TMEM132D: variants seen among roughly 807,000 people sequenced by gnomAD.
TMEM132D encodes the protein mature OL transmembrane protein.
In TMEM132D, 21 loss-of-function variants were observed where a neutral mutation model predicts 62.3. The ratio of observed to expected loss-of-function variants is 0.34; its 90% CI spans 0.24 to 0.49. The LOEUF is 0.49. TMEM132D is among the 20% of genes least tolerant of loss of function. TMEM132D has a pLI of 0.99. For synonymous variants in TMEM132D, 621 were observed against 575.6 expected (o/e 1.08, Z -1.13); for missense variants, 1,346 against 1,402.8 (o/e 0.96, Z 0.65).
intron 2 of TMEM132D, among the ~76,000 whole-genome samples, chr12:129,694,515 G>C (rs1053692282): frequency 3.3e-5 from 5 of 152,226 alleles, no homozygotes; most frequent in Admixed American, 3.3e-4. Flanking sequence ...AGGCAGACAA[G>C]ATTGAAAACC....
intron 3 of TMEM132D, among the ~76,000 whole-genome samples, chr12:129,360,443 G>A (rs1870208787): frequency 6.6e-6 from 1 of 152,216 alleles, no homozygotes; most frequent in African/African-American, 2.4e-5. Flanking sequence ...TGGGTTCAAT[G>A]AGGATGGAAA....
At chr12:129,253,224 AAAT>A (rs1172894416) in intron 4 of TMEM132D, among the ~76,000 whole-genome samples, 3 of 149,922 alleles carry the variant, frequency 2.0e-5, no homozygotes, top group Non-Finnish European at 3.0e-5. Context: ...TAAAAATAAA[AAAT>A]AATGTGATAA....
At chr12:129,899,186 T>C (rs1485795956) in intron 1 of TMEM132D, among the ~76,000 whole-genome samples, 1 of 133,106 alleles carries the variant, frequency 7.5e-6, no homozygotes, top group Non-Finnish European at 1.6e-5. Context: ...GATAGAAGGA[T>C]GGAATGATGA....
intron 2 of TMEM132D, among the ~76,000 whole-genome samples, chr12:129,656,387 T>C (rs1880078044): frequency 6.6e-6 from 1 of 152,052 alleles, no homozygotes; most frequent in African/African-American, 2.4e-5. Context: ...AGAACCAAAA[T>C]CTTCATGGCA....
In TMEM132D at chr12:129,210,442, C is replaced by T. The variant is rs186398204; in HGVS notation, c.1300-779G>A. On this transcript the variant is annotated intron_variant, in intron 4 of 8. Transcript: ENST00000422113. ...CCCACATCCCCACTGATGCGACCCA[C>T]GATGCACCACACACATCCACACTCA... is the stretch of plus-strand genomic sequence containing the variant. Among the ~76,000 whole-genome samples the T allele has an allele frequency of 5.6e-4, 85 of 152,056 alleles. 1 individual carries two copies. Among genetic ancestry groups the T allele is most frequent in the Non-Finnish European group, 2.5e-4 (17 of 67,962 alleles).
At chr12:129,330,384 A>C (rs1869065880) in intron 4 of TMEM132D, among the ~76,000 whole-genome samples, 1 of 152,156 alleles carries the variant, frequency 6.6e-6, no homozygotes, top group East Asian at 1.9e-4. Flanking sequence ...CTAAGGTTTG[A>C]ATGTTCCCTC....
chr12:129,388,669 G>A (rs79002396), intron 3 of TMEM132D, among the ~76,000 whole-genome samples: 29,728 of 86,680 alleles, frequency 0.34, 6,639 homozygotes, highest in South Asian at 0.47. Flanking sequence ...CACTAACACC[G>A]ACACCAATAC....
intron 5 of TMEM132D, among the ~76,000 whole-genome samples, chr12:129,136,925 C>G (rs567137210): frequency 7.0e-6 from 1 of 143,000 alleles, no homozygotes; most frequent in Admixed American, 7.0e-5. Context: ...CATACCACCA[C>G]CATCATCATC....
intron 2 of TMEM132D, among the ~76,000 whole-genome samples, chr12:129,656,201 G>A (rs1362624524): frequency 6.6e-6 from 1 of 151,656 alleles, no homozygotes; most frequent in African/African-American, 2.4e-5. Flanking sequence ...AAGACGAAAA[G>A]AAGGAAGATA....
chr12:129,299,353 T>C (rs1449159547), intron 4 of TMEM132D, among the ~76,000 whole-genome samples: 1 of 151,832 alleles, frequency 6.6e-6, no homozygotes, highest in Non-Finnish European at 1.5e-5. Flanking sequence ...AAGCCATACC[T>C]GAAATCCATA....
At chr12:129,306,995 C>G (rs1366340410) in intron 4 of TMEM132D, among the ~76,000 whole-genome samples, 1 of 151,610 alleles carries the variant, frequency 6.6e-6, no homozygotes, top group Non-Finnish European at 1.5e-5. Context: ...TTTGATGAAC[C>G]TTTAACTCAA....
chr12:129,460,849 A>G (rs902723233), intron 3 of TMEM132D, among the ~76,000 whole-genome samples: 1 of 152,070 alleles, frequency 6.6e-6, no homozygotes, highest in Admixed American at 6.6e-5. Context: ...TGGGGCACTG[A>G]TGGGCACCTT....
intron 1 of TMEM132D, among the ~76,000 whole-genome samples, chr12:129,742,540 A>C (rs1009168365): frequency 9.9e-5 from 15 of 152,196 alleles, no homozygotes; most frequent in African/African-American, 3.6e-4. Context: ...CATGAGATTA[A>C]AGTACACACA....
At chr12:129,205,389 A>AAT (rs1555236936) in intron 5 of TMEM132D, among the ~76,000 whole-genome samples, 26 of 151,490 alleles carry the variant, frequency 1.7e-4, no homozygotes, top group African/African-American at 6.3e-4. Context: ...AAAAAAAAAA[A>AAT]AAACTGACTT....
At chr12:129,331,537 C>T (rs1869105875) in intron 4 of TMEM132D, among the ~76,000 whole-genome samples, 1 of 152,152 alleles carries the variant, frequency 6.6e-6, no homozygotes, top group Non-Finnish European at 1.5e-5. Flanking sequence ...TCAAGAGACC[C>T]GCCTGGGAGG....
intron 5 of TMEM132D, among the ~76,000 whole-genome samples, chr12:129,174,680 T>C (rs139284994): frequency 0.022 from 3,325 of 152,292 alleles, 133 homozygotes; most frequent in African/African-American, 0.075. Context: ...GTTGAACTAA[T>C]TTACACTCCC....
At chr12:129,265,888 C>T (rs1880678718) in intron 4 of TMEM132D, among the ~76,000 whole-genome samples, 2 of 152,128 alleles carry the variant, frequency 1.3e-5, no homozygotes, top group African/African-American at 4.8e-5. Flanking sequence ...TTGTAGCACA[C>T]ATCCCTCACA....
chr12:129,639,713 T>G (rs1187531487), intron 2 of TMEM132D, among the ~76,000 whole-genome samples: 3 of 152,116 alleles, frequency 2.0e-5, no homozygotes, highest in African/African-American at 7.2e-5. Flanking sequence ...GTGCCCACTT[T>G]GAAGAATATT....
intron 2 of TMEM132D, among the ~76,000 whole-genome samples, chr12:129,628,800 A>T (rs1426845329): frequency 6.6e-6 from 1 of 151,970 alleles, no homozygotes; most frequent in Non-Finnish European, 1.5e-5. Flanking sequence ...CTGCTTTTAG[A>T]ATAAAGCCAG....
Sources: allele counts gnomAD v4.1 joint callset (sites outside exome capture counted in the v4.1 genomes callset), GRCh38; gene constraint gnomAD v4.1.1; transcripts MANE v1.5; gene names NCBI Gene and HGNC (gene_info 2026-07-23, HGNC 2026-07-21).